SPOCK3: variants seen among roughly 807,000 people sequenced by gnomAD.
SPOCK3 encodes SPARC (osteonectin), cwcv and kazal like domains proteoglycan 3, also known as testican-3.
Under a neutral mutation model 56.6 loss-of-function variants are expected in SPOCK3, and 30 were observed. The observed-to-expected ratio is 0.53, with a 90% confidence interval of 0.40 to 0.72. The LOEUF (loss-of-function observed/expected upper bound fraction) is 0.72, where lower values mean the gene tolerates loss of function less well. Among genes scored for constraint, SPOCK3 ranks in the 30% least tolerant of loss-of-function variants. The pLI is 0.00. For missense variants in SPOCK3, 527 were observed against 530.0 expected (o/e 0.99, Z 0.06); for synonymous variants, 196 against 183.3 (o/e 1.07, Z -0.56).
intron 7 of SPOCK3, among the ~76,000 whole-genome samples, chr4:166,772,994 G>C (rs1739128438): frequency 6.6e-6 from 1 of 152,074 alleles, no homozygotes; most frequent in African/African-American, 2.4e-5. Flanking sequence ...GAGTCACTGT[G>C]TTGCCCATGC....
At chr4:167,041,675 T>G (rs1561151353) in intron 3 of SPOCK3, among the ~76,000 whole-genome samples, 1 of 152,180 alleles carries the variant, frequency 6.6e-6, no homozygotes, top group Non-Finnish European at 1.5e-5. Flanking sequence ...GAAACTCGGC[T>G]TTGCTATTCT....
At chr4:167,201,430 T>C (rs1261542787) in intron 2 of SPOCK3, among the ~76,000 whole-genome samples, 1 of 151,980 alleles carries the variant, frequency 6.6e-6, no homozygotes, top group East Asian at 1.9e-4. Flanking sequence ...ATGGAGGCTA[T>C]GAGCTCAGAA....
At chr4:166,808,658 T>C (rs1057237606) in intron 6 of SPOCK3, among the ~76,000 whole-genome samples, 11 of 152,132 alleles carry the variant, frequency 7.2e-5, no homozygotes, top group South Asian at 2.1e-4. Flanking sequence ...CTAACTAATA[T>C]ACTTCCTGAA....
intron 5 of SPOCK3, among the ~76,000 whole-genome samples, chr4:166,899,291 T>TA (rs1553997447): frequency 2.3e-4 from 33 of 141,844 alleles, no homozygotes; most frequent in Admixed American, 5.8e-4. Context: ...TCTATCTATC[T>TA]ATCTATCTAT....
intron 8 of SPOCK3, among the ~76,000 whole-genome samples, chr4:166,745,923 A>G (rs183291405): frequency 6.6e-6 from 1 of 152,234 alleles, no homozygotes; most frequent in Non-Finnish European, 1.5e-5. Context: ...CATGAATTCA[A>G]CAAGAAGAGC....
chr4:166,971,450 T>C (rs1348420482), intron 4 of SPOCK3, among the ~76,000 whole-genome samples: 2 of 151,094 alleles, frequency 1.3e-5, no homozygotes, highest in Non-Finnish European at 3.0e-5. Context: ...TTCATGTCTG[T>C]GGCTTTTAAC....
At chr4:167,112,313 A>AAAG in intron 2 of SPOCK3, among the ~76,000 whole-genome samples, 1 of 152,248 alleles carries the variant, frequency 6.6e-6, no homozygotes. Flanking sequence ...CTCTTCTAAA[A>AAAG]TGTTACAAGT....
At chr4:166,840,679 T>C (rs926429737) in intron 6 of SPOCK3, among the ~76,000 whole-genome samples, 1 of 151,734 alleles carries the variant, frequency 6.6e-6, no homozygotes, top group Non-Finnish European at 1.5e-5. Flanking sequence ...TTCAGACTCA[T>C]GATTTTCAGA....
At chr4:166,864,395 T>C (rs1731563463) in intron 6 of SPOCK3, among the ~76,000 whole-genome samples, 1 of 151,876 alleles carries the variant, frequency 6.6e-6, no homozygotes, top group East Asian at 1.9e-4. Context: ...AAGCAAACAA[T>C]TTCAAAAGCT....
chr4:166,994,573 AT>A (rs1748159661), intron 4 of SPOCK3, among the ~76,000 whole-genome samples: 1 of 152,170 alleles, frequency 6.6e-6, no homozygotes, highest in African/African-American at 2.4e-5. Flanking sequence ...CACGAGAAGG[AT>A]TTTGGACTTT....
chr4:167,019,036 T>C (rs777397388), intron 3 of SPOCK3, among the ~76,000 whole-genome samples: 80 of 151,980 alleles, frequency 5.3e-4, no homozygotes, highest in Non-Finnish European at 1.1e-3. Context: ...AATCAGCTGT[T>C]TCCCTTTCCC....
chr4:166,885,695 A>T (rs1295043036), intron 6 of SPOCK3, among the ~76,000 whole-genome samples: 1 of 152,190 alleles, frequency 6.6e-6, no homozygotes, highest in Non-Finnish European at 1.5e-5. Context: ...AAGGTGCATA[A>T]AGAGTATGTG....
intron 3 of SPOCK3, among the ~76,000 whole-genome samples, chr4:167,032,418 C>T (rs1302564541): frequency 3.3e-5 from 5 of 151,942 alleles, no homozygotes; most frequent in Non-Finnish European, 7.4e-5. Context: ...CACCGCTCTG[C>T]TGTTGAAGAG....
chr4:167,115,234 A>T (rs961201897), intron 2 of SPOCK3, among the ~76,000 whole-genome samples: 1 of 151,756 alleles, frequency 6.6e-6, no homozygotes, highest in Non-Finnish European at 1.5e-5. Context: ...GGCGGCTTTT[A>T]TGCTAAATGT....
intron 2 of SPOCK3, among the ~76,000 whole-genome samples, chr4:167,182,627 C>A (rs1386656776): frequency 2.6e-5 from 4 of 151,862 alleles, no homozygotes; most frequent in African/African-American, 9.7e-5. Flanking sequence ...GCAACCCCTG[C>A]CTCCTGGGTT....
intron 6 of SPOCK3, among the ~76,000 whole-genome samples, chr4:166,880,047 C>G (rs944709852): frequency 1.3e-5 from 2 of 152,176 alleles, no homozygotes; most frequent in East Asian, 1.9e-4. Flanking sequence ...CCAATTAAAC[C>G]TCTTTTCTTT....
At chr4:167,228,242 T>C (rs72701423) in intron 2 of SPOCK3, among the ~76,000 whole-genome samples, 4,791 of 152,258 alleles carry the variant, frequency 0.031, 88 homozygotes, top group Admixed American at 0.069. Flanking sequence ...AACACATATA[T>C]GTAGATATAC....
intron 2 of SPOCK3, among the ~76,000 whole-genome samples, chr4:167,189,416 G>C (rs1319873898): frequency 1.4e-5 from 2 of 145,004 alleles, no homozygotes; most frequent in Non-Finnish European, 3.0e-5. Context: ...ATTTAACCAA[G>C]AAACAAGCTG....
At chr4:167,205,155 T>TATATATATA (rs1412473007) in intron 2 of SPOCK3, among the ~76,000 whole-genome samples, 15 of 111,426 alleles carry the variant, frequency 1.3e-4, no homozygotes, top group African/African-American at 5.2e-4. Flanking sequence ...ATATATTTTA[T>TATATATATA]ATATATATAA....
Sources: gnomAD v4.1 joint callset for allele counts (sites outside exome capture counted in the v4.1 genomes callset) on GRCh38, gnomAD v4.1.1 for gene constraint, MANE v1.5 for transcripts, NCBI Gene and HGNC (gene_info 2026-07-23, HGNC 2026-07-21) for gene names.